The following ZNF550 variants were observed in gnomAD, a reference collection of about 807,000 sequenced individuals.
ZNF550 encodes the protein zinc finger protein 550.
In ZNF550, 42 loss-of-function variants were observed where a neutral mutation model predicts 40.2. The ratio of observed to expected loss-of-function variants is 1.05; its 90% CI spans 0.82 to 1.35. ZNF550 has a LOEUF of 1.35. Among genes scored for constraint, ZNF550 ranks in the 40% most tolerant of loss-of-function variants. ZNF550 has a pLI of 0.00. For missense variants in ZNF550, 549 were observed against 525.2 expected (o/e 1.05, Z -0.44); for synonymous variants, 223 against 198.6 (o/e 1.12, Z -1.03).
intron 4 of ZNF550, chr19:57,543,379 T>A (rs550569783): frequency 4.2e-6 from 1 of 236,484 alleles, no homozygotes. Flanking sequence ...TTTAACTGGG[T>A]GAGGATCCTT....
Position 57,559,852 on chromosome 19 carries a change from G to A in ZNF550, c.-170C>T, listed in dbSNP as rs1024480866. Reference sequence around the variant, plus strand: ...CACCACAAACGTCCACGCCAGCGAGGCCGGAAGTCCCGCCCCTGTGTCGCG... The same window carrying A: ...CACCACAAACGTCCACGCCAGCGAGACCGGAAGTCCCGCCCCTGTGTCGCG... On this transcript the variant is annotated 5_prime_UTR_variant, in exon 1 of 5. Coordinates refer to ENST00000457177, the Ensembl canonical transcript of ZNF550. 6 of 524,732 alleles carry A rather than the reference G, an allele frequency of 1.1e-5. No homozygotes were observed. In the Admixed American group the frequency reaches 1.3e-4, roughly 11 times the overall value. 32.5% of individuals were successfully genotyped at this position (524,732 alleles called of 1,614,324 possible).
exon 1 of ZNF550, chr19:57,559,747 C>T (rs1302736012): frequency 2.2e-6 from 3 of 1,383,604 alleles, no homozygotes; most frequent in Non-Finnish European, 2.9e-6. Flanking sequence ...TACCCCGGGT[C>T]CTACAACGGT....
Position 57,551,776 on chromosome 19 carries a change from C to T in ZNF550, c.250+851G>A, listed in dbSNP as rs561366146. ...ATGACTCAGTGGTGATACAAATCCA[C>T]AAGGCAAATGGCTCCAGCTACACTC... On this transcript the variant is annotated intron_variant, in intron 3 of 4. Transcript: ENST00000457177. Among the ~76,000 whole-genome samples, 5 of 152,276 alleles carry T rather than the reference C, an allele frequency of 3.3e-5. No homozygotes were observed. In the South Asian group the frequency reaches 1.0e-3, roughly 32 times the overall value.
upstream of ZNF550, among the ~76,000 whole-genome samples, chr19:57,561,056 A>G (rs1203700067): frequency 6.6e-6 from 1 of 152,192 alleles, no homozygotes; most frequent in Non-Finnish European, 1.5e-5. The surrounding 1 kb of genome is among the most constrained non-coding windows in gnomAD (Gnocchi z 4.9). Context: ...CTTTGCCCAG[A>G]AGAGTCATGG....
rs61734156 is a variant in ZNF550, at chr19:57,556,312, C to T, written c.73G>A (p.Glu25Lys). The change falls in exon 2 of 5, where the codon GAG (glutamate) becomes AAG (lysine). Residue 25 changes from glutamate (E) to lysine (K), a missense_variant. Physicochemically the swap from Glu to Lys is moderately conservative, Grantham distance 56. Transcript: ENST00000457177. The stretch of plus-strand genomic sequence containing the variant: ...TGGGCCAGGTCCAGCTGTCTCCACT[C>T]CTCCCGGGTAAAGGTCACAGCCACA... The T allele has an allele frequency of 9.5e-5, 154 of 1,614,140 alleles. No homozygotes were observed. In the African/African-American group the frequency reaches 1.8e-3, roughly 19 times the overall value.
exon 4 of ZNF550, chr19:57,546,515 G>A: frequency 4.0e-6 from 4 of 989,756 alleles, no homozygotes; most frequent in Non-Finnish European, 3.6e-6. Flanking sequence ...TCAAATTCCA[G>A]CATGGCTCTT....
In ZNF550 at chr19:57,555,170, A is replaced by G. The variant is rs201776794; in HGVS notation, c.154+1061T>C. The G allele has an allele frequency of 2.0e-5, 3 of 152,172 alleles. No homozygotes were observed. The East Asian group carries it at 5.8e-4, about 29-fold the overall frequency. The allele number at this position is 152,172 out of a possible 1,614,324, so 9.4% of individuals were successfully genotyped here. On this transcript the variant is annotated intron_variant, in intron 2 of 4. Transcript: ENST00000457177. ...GAGAAAGTCAATTTCCCTTCCTACA[A>G]ATAGAAGTCTGCAATCACAACACAA...
upstream of ZNF550, among the ~76,000 whole-genome samples, chr19:57,560,799 G>T (rs774165994): frequency 2.0e-5 from 3 of 152,118 alleles, no homozygotes; most frequent in Non-Finnish European, 4.4e-5. Flanking sequence ...GTAGGAAATG[G>T]GTCAAATCTA....
At chr19:57,558,640 G>C (rs1483714165) in intron 1 of ZNF550, among the ~76,000 whole-genome samples, 1 of 152,182 alleles carries the variant, frequency 6.6e-6, no homozygotes, top group Non-Finnish European at 1.5e-5. Flanking sequence ...AGAGCAAGGA[G>C]ACCAAAGAGA....
At chr19:57,550,013 G>A (rs1301566824) in intron 3 of ZNF550, among the ~76,000 whole-genome samples, 1 of 152,146 alleles carries the variant, frequency 6.6e-6, no homozygotes, top group African/African-American at 2.4e-5. Flanking sequence ...CACAGTTCTT[G>A]ATGCAGCGCA....
At chr19:57,556,144 G>A (rs2090118391) in intron 2 of ZNF550, 87 bp downstream of exon 2, 9 of 1,565,290 alleles carry the variant, frequency 5.7e-6, no homozygotes, top group Non-Finnish European at 7.9e-6. Flanking sequence ...GGTCTGTCAA[G>A]AGAAAGGTGG....
chr19:57,559,509 A>T, intron 1 of ZNF550, 147 bp downstream of exon 1: 1 of 734,510 alleles, frequency 1.4e-6, no homozygotes, highest in Non-Finnish European at 1.9e-6. Flanking sequence ...TGCATTCCGG[A>T]CCCGGGACCG....
At chr19:57,559,087 A>G (rs960671119) in intron 1 of ZNF550, among the ~76,000 whole-genome samples, 1 of 152,018 alleles carries the variant, frequency 6.6e-6, no homozygotes, top group African/African-American at 2.4e-5. Context: ...TGTTGTAGAG[A>G]CAGGAGGCCA....
upstream of ZNF550, among the ~76,000 whole-genome samples, chr19:57,560,778 T>C (rs369283047): frequency 2.6e-5 from 4 of 152,142 alleles, no homozygotes; most frequent in East Asian, 7.7e-4. Context: ...GAGTGTATAA[T>C]TAGGTCTGGG....
intron 4 of ZNF550, chr19:57,544,689 A>G (rs763272119): frequency 5.6e-5 from 42 of 751,562 alleles, no homozygotes; most frequent in Non-Finnish European, 6.6e-5. Context: ...AAACATGAAT[A>G]TATATGCAGT....
At chr19:57,552,434 A>G in intron 3 of ZNF550, 193 bp downstream of exon 3, 1 of 528,508 alleles carries the variant, frequency 1.9e-6, no homozygotes, top group African/African-American at 1.9e-5. Flanking sequence ...AGCAAAAGGT[A>G]CCTGTGTCTC....
At chr19:57,557,838 ATCTC>A (rs1166008013) in intron 1 of ZNF550, among the ~76,000 whole-genome samples, 12 of 152,158 alleles carry the variant, frequency 7.9e-5, no homozygotes, top group East Asian at 3.9e-4. Context: ...ATGTCACATG[ATCTC>A]TCTAAGGCTC....
At chr19:57,552,800 T>C in intron 2 of ZNF550, 78 bp from the exon 3 acceptor site, 5 of 1,091,850 alleles carry the variant, frequency 4.6e-6, no homozygotes, top group Non-Finnish European at 6.7e-6. Flanking sequence ...TAGGACTTCA[T>C]GACAGGGTCC....
chr19:57,542,676 A>T (rs2089971659), exon 5 of ZNF550: 2 of 152,214 alleles, frequency 1.3e-5, no homozygotes, highest in South Asian at 4.1e-4. Context: ...CTCCAAAGAA[A>T]AAAAACCAAA....
Sources: allele counts gnomAD v4.1 joint callset (sites outside exome capture counted in the v4.1 genomes callset), GRCh38; gene constraint gnomAD v4.1.1; non-coding constraint Gnocchi (gnomAD v3.1); transcripts MANE v1.5; gene names NCBI Gene and HGNC (gene_info 2026-07-23, HGNC 2026-07-21).